Variants in IL1RAPL2 observed in about 807,000 individuals in gnomAD.
IL1RAPL2 encodes the protein interleukin 1 receptor accessory protein like 2, also known as X-linked interleukin-1 receptor accessory protein-like 2.
Under a neutral mutation model 44.1 loss-of-function variants are expected in IL1RAPL2, and 3 were observed. The observed-to-expected ratio is 0.07, with a 90% CI of 0.03 to 0.18. The LOEUF is 0.18. IL1RAPL2 is among the 10% of genes least tolerant of loss of function. The pLI, the probability that IL1RAPL2 is intolerant of heterozygous loss-of-function variation, is 1.00. For missense variants in IL1RAPL2, 391 were observed against 496.4 expected, an observed-to-expected ratio of 0.79 and a Z score of 2.02; for synonymous variants, 181 against 178.8, an observed-to-expected ratio of 1.01 and a Z score of -0.10.
chrX:104,903,264 C>A (rs1050312167), intron 2 of IL1RAPL2, among the ~76,000 whole-genome samples: 1 of 111,983 alleles, frequency 8.9e-6, no homozygotes, highest in Non-Finnish European at 1.9e-5. Context: ...GCTGAATAAG[C>A]AAATGCATTA....
At chrX:105,428,813 A>G (rs760490746) in intron 5 of IL1RAPL2, among the ~76,000 whole-genome samples, 2 of 111,428 alleles carry the variant, frequency 1.8e-5, no homozygotes, top group Admixed American at 1.9e-4. Flanking sequence ...TGCTTTACGT[A>G]AAATGAGTGC....
At position 105,449,151 on chromosome X, in the gene IL1RAPL2, G is replaced by A. The variant is rs2035998872; in HGVS notation, c.698-35162G>A. 2.7e-5 allele frequency among the ~76,000 whole-genome samples: 3 copies of A among 111,380 alleles called. 1 individual carries two copies. The highest frequency in any genetic ancestry group is 9.8e-5 in the African/African-American group (3 of 30,620). On this transcript the variant is annotated intron_variant, in intron 5 of 10. Coordinates refer to ENST00000372582, the MANE Select transcript of IL1RAPL2 (RefSeq NM_017416.2). ...GGGCAATGAAGATTAAGTATTTATT[G>A]TAATCTTCACAGTCTGGGCTTTTTT...
chrX:104,577,329 A>T (rs1293026833), intron 1 of IL1RAPL2, among the ~76,000 whole-genome samples: 1 of 111,639 alleles, frequency 9.0e-6, no homozygotes, highest in Non-Finnish European at 1.9e-5. Flanking sequence ...GAGAGTTCCA[A>T]TGAGGTTAGG....
chrX:104,994,355 A>G lies in IL1RAPL2; in HGVS notation c.83-201120A>G, dbSNP rs2030713391. Reference sequence around the variant, plus strand: ...CTAAACTGTGGTGAAAAAAATCAGAACAGTAATTACTTCTGGAGAGGAATT... The same window carrying G: ...CTAAACTGTGGTGAAAAAAATCAGAGCAGTAATTACTTCTGGAGAGGAATT... On this transcript the variant is annotated intron_variant, in intron 2 of 10. Transcript: ENST00000372582. 3.6e-5 allele frequency among the ~76,000 whole-genome samples: 4 copies of G among 111,590 alleles called. No individual in the cohort carries two copies. The South Asian group carries it at 1.5e-3, about 42-fold the overall frequency.
intron 9 of IL1RAPL2, among the ~76,000 whole-genome samples, chrX:105,753,705 C>A (rs1248388416): frequency 1.8e-5 from 2 of 111,937 alleles, no homozygotes; most frequent in South Asian, 7.5e-4. Context: ...CCAGGGCAGT[C>A]CTTCATGTAC....
In IL1RAPL2 at chrX:105,570,795, G is replaced by A. The variant is rs749871367; in HGVS notation, c.772+86408G>A. ...CATCAGAAAGGAAGATATTTGATAT[G>A]AAAGAGGAAGATTGTGAATTGAAGT... On this transcript the variant is annotated intron_variant, in intron 6 of 10. Coordinates refer to ENST00000372582, the MANE Select transcript of IL1RAPL2 (RefSeq NM_017416.2). 1.2e-4 allele frequency among the ~76,000 whole-genome samples: 13 copies of A among 111,671 alleles called. No individual in the cohort carries two copies. In the South Asian group the frequency reaches 3.7e-3, roughly 32 times the overall value.
At chrX:104,682,441 C>G (rs1309525986) in intron 2 of IL1RAPL2, among the ~76,000 whole-genome samples, 2 of 112,415 alleles carry the variant, frequency 1.8e-5, no homozygotes, top group Admixed American at 1.9e-4. Flanking sequence ...CATACATATA[C>G]AGCCAATCAA....
intron 7 of IL1RAPL2, among the ~76,000 whole-genome samples, chrX:105,723,644 G>T (rs1192042391): frequency 9.0e-6 from 1 of 111,072 alleles, no homozygotes; most frequent in East Asian, 2.8e-4. Context: ...AAAATTTATA[G>T]CCCACAGTTC....
At chrX:105,293,367 A>T (rs1323714670) in intron 5 of IL1RAPL2, among the ~76,000 whole-genome samples, 1 of 111,932 alleles carries the variant, frequency 8.9e-6, no homozygotes, top group Non-Finnish European at 1.9e-5. Context: ...ATGTGACTGC[A>T]TAGTATCCCA....
intron 1 of IL1RAPL2, among the ~76,000 whole-genome samples, chrX:104,582,970 C>A (rs1273001145): frequency 3.8e-5 from 4 of 106,393 alleles, no homozygotes. Context: ...CTCACTGCAG[C>A]TTCGACCTCC....
chrX:104,908,442 C>A lies in IL1RAPL2; in HGVS notation c.82+249447C>A, dbSNP rs896691373. Among the ~76,000 whole-genome samples the A allele has an allele frequency of 4.7e-4, 52 of 111,280 alleles. 1 individual carries two copies. The highest frequency in any genetic ancestry group is 1.7e-3 in the African/African-American group (52 of 30,588). Reference sequence around the variant, plus strand: ...GGCGTGATTTTGCAGTGGCTGGTACCGGTTGTTCCTTTCCATGTTTAGCAC... The same window carrying A: ...GGCGTGATTTTGCAGTGGCTGGTACAGGTTGTTCCTTTCCATGTTTAGCAC... On this transcript the variant is annotated intron_variant, in intron 2 of 10. Transcript: ENST00000372582.
chrX:105,286,137 AAAT>A (rs1311230344), intron 5 of IL1RAPL2, among the ~76,000 whole-genome samples: 5 of 111,614 alleles, frequency 4.5e-5, no homozygotes, highest in African/African-American at 1.6e-4. Flanking sequence ...AGAACTGAGA[AAAT>A]AACTCCAGCA....
intron 5 of IL1RAPL2, among the ~76,000 whole-genome samples, chrX:105,333,354 A>C (rs752491278): frequency 4.4e-4 from 49 of 111,877 alleles, no homozygotes; most frequent in East Asian, 3.4e-3. Flanking sequence ...TGCCATACAT[A>C]AAATCAAATC....
chrX:105,191,306 C>T lies in IL1RAPL2; in HGVS notation c.83-4169C>T, dbSNP rs60759495. On this transcript the variant is annotated intron_variant, in intron 2 of 10. Transcript: ENST00000372582. ...TCTCAGCTTGCTGCAACCTCCGCCT[C>T]CCAGGTTCAAGTGATTCTCTGTCTT... is the stretch of plus-strand genomic sequence containing the variant. Among the ~76,000 whole-genome samples the T allele has an allele frequency of 7.6e-3, 854 of 112,580 alleles. 11 individuals are homozygous for T. Among genetic ancestry groups the T allele is most frequent in the African/African-American group, 0.027 (822 of 30,982 alleles).
At chrX:104,895,056 G>C (rs1923596474) in intron 2 of IL1RAPL2, among the ~76,000 whole-genome samples, 1 of 112,609 alleles carries the variant, frequency 8.9e-6, no homozygotes. Context: ...GTCCACTCCA[G>C]ACTGTGTTTT....
chrX:105,199,180 T>G, intron 3 of IL1RAPL2, among the ~76,000 whole-genome samples: 1 of 111,357 alleles, frequency 9.0e-6, no homozygotes. Flanking sequence ...TTTATTTATA[T>G]TATACACCGG....
At chrX:104,620,307 T>C (rs1408222538) in intron 1 of IL1RAPL2, among the ~76,000 whole-genome samples, 1 of 105,489 alleles carries the variant, frequency 9.5e-6, no homozygotes, top group African/African-American at 3.4e-5. Flanking sequence ...AAAAACCACC[T>C]GTTCCCCCAA....
At chrX:105,539,650 C>A (rs1319555549) in intron 6 of IL1RAPL2, among the ~76,000 whole-genome samples, 2 of 111,422 alleles carry the variant, frequency 1.8e-5, no homozygotes, top group African/African-American at 6.5e-5. Context: ...AAAGCAATTG[C>A]AACAAAACCA....
chrX:104,732,197 GAACT>G (rs1931933338), intron 2 of IL1RAPL2, among the ~76,000 whole-genome samples: 1 of 111,383 alleles, frequency 9.0e-6, no homozygotes, highest in South Asian at 3.8e-4. Context: ...AAGAGAAGGA[GAACT>G]AACAGAAGCT....
Sources: gnomAD v4.1 joint callset for allele counts (sites outside exome capture counted in the v4.1 genomes callset) on GRCh38, gnomAD v4.1.1 for gene constraint, MANE v1.5 for transcripts, NCBI Gene and HGNC (gene_info 2026-07-23, HGNC 2026-07-21) for gene names.